OVCH1: variants seen among roughly 807,000 people sequenced by gnomAD.
OVCH1 encodes ovochymase-1.
Under a neutral mutation model 138.4 loss-of-function variants are expected in OVCH1, and 139 were observed. That is an observed-to-expected ratio of 1.00 (90% confidence interval 0.87 to 1.16). OVCH1 has a LOEUF of 1.16. OVCH1 is among the 50% of genes most tolerant of loss of function. The pLI, the probability that OVCH1 is intolerant of heterozygous loss-of-function variation, is 0.00. For synonymous variants in OVCH1, 453 were observed against 467.8 expected (o/e 0.97, Z 0.41); for missense variants, 1,367 against 1,357.9 (o/e 1.01, Z -0.11).
exon 7 of OVCH1, chr12:29,487,882 C>A: frequency 6.3e-7 from 1 of 1,599,276 alleles, no homozygotes; most frequent in Non-Finnish European, 8.5e-7. Flanking sequence ...CCAGAGTCCC[C>A]CTTTCATGGT....
chr12:29,491,922 T>C (rs142175601), intron 4 of OVCH1, among the ~76,000 whole-genome samples: 71 of 152,294 alleles, frequency 4.7e-4, no homozygotes, highest in Middle Eastern at 6.8e-3. Flanking sequence ...AAGCACTCTT[T>C]TAGATCTCAA....
intron 3 of OVCH1, among the ~76,000 whole-genome samples, chr12:29,414,020 C>CTTTTTTTTT (rs74937229): frequency 2.6e-5 from 1 of 38,528 alleles, no homozygotes; most frequent in African/African-American, 5.7e-5. Context: ...CTCTCTCTCT[C>CTTTTTTTTT]TTTTTTTTTT....
rs528119890 is a variant in OVCH1, at chr12:29,459,119, A to G, written c.2280+2735T>C. ...TAATACAAATACCATTGATCTAGCA[A>G]TCCCACTCCTAGGTATACATCCAAA... is the stretch of plus-strand genomic sequence containing the variant. On this transcript the variant is annotated intron_variant, in intron 19 of 27. Coordinates refer to ENST00000318184, the Ensembl canonical transcript of OVCH1. Among the ~76,000 whole-genome samples, 5 of 152,276 alleles carry G rather than the reference A, an allele frequency of 3.3e-5. No individual in the cohort carries two copies. In the South Asian group the frequency reaches 1.0e-3, roughly 32 times the overall value.
chr12:29,403,870 A>G, the OVCH1 span, among the ~76,000 whole-genome samples: 1 of 152,208 alleles, frequency 6.6e-6, no homozygotes, highest in Admixed American at 6.5e-5. Context: ...GCCAAAGTAG[A>G]AAAAAACAGT....
At chr12:29,471,475 G>A (rs1942505059) in intron 16 of OVCH1, among the ~76,000 whole-genome samples, 1 of 152,088 alleles carries the variant, frequency 6.6e-6, no homozygotes, top group Non-Finnish European at 1.5e-5. Context: ...TAAACTAAAG[G>A]GGAACATGAG....
intron 26 of OVCH1, among the ~76,000 whole-genome samples, chr12:29,437,010 T>C (rs1337998575): frequency 6.6e-6 from 1 of 152,118 alleles, no homozygotes; most frequent in Non-Finnish European, 1.5e-5. Flanking sequence ...TTTTACAGAG[T>C]GCTGACTGGT....
At chr12:29,471,925 C>T (rs755953240) in exon 16 of OVCH1, 3 of 1,613,282 alleles carry the variant, frequency 1.9e-6, no homozygotes, top group African/African-American at 2.7e-5. Flanking sequence ...GGCTTCTTCC[C>T]CTCCTGCGAT....
At chr12:29,464,106 C>T (rs1000147362) in intron 18 of OVCH1, among the ~76,000 whole-genome samples, 12 of 152,108 alleles carry the variant, frequency 7.9e-5, no homozygotes, top group South Asian at 4.1e-4. Context: ...TTTCATGACA[C>T]GTGCACATTA....
At chr12:29,460,315 G>C (rs1459171561) in intron 19 of OVCH1, among the ~76,000 whole-genome samples, 1 of 152,158 alleles carries the variant, frequency 6.6e-6, no homozygotes, top group African/African-American at 2.4e-5. Context: ...TGATTTTCTT[G>C]TTGAAGAAAG....
chr12:29,413,079 C>G (rs1048865108), intron 3 of OVCH1, among the ~76,000 whole-genome samples: 5 of 149,296 alleles, frequency 3.3e-5, no homozygotes, highest in Non-Finnish European at 5.9e-5. Flanking sequence ...CTGAGCTGGT[C>G]TCAAACTCCT....
chr12:29,427,262 C>T (rs1210049337), downstream of OVCH1, among the ~76,000 whole-genome samples: 2 of 152,076 alleles, frequency 1.3e-5, no homozygotes, highest in Non-Finnish European at 2.9e-5. Context: ...TTTTAAAAAT[C>T]AAATATTTTC....
At chr12:29,433,848 C>A in intron 26 of OVCH1, 1 of 1,352,474 alleles carries the variant, frequency 7.4e-7, no homozygotes, top group South Asian at 1.5e-5. Flanking sequence ...ATGGAAATGC[C>A]TCCCAAACTG....
chr12:29,441,918 TGA>T (rs1267103802), intron 25 of OVCH1, among the ~76,000 whole-genome samples: 2 of 151,986 alleles, frequency 1.3e-5, no homozygotes, highest in Admixed American at 1.3e-4. Context: ...AAAACCACAA[TGA>T]GATACCATCT....
intron 21 of OVCH1, among the ~76,000 whole-genome samples, chr12:29,453,743 C>T (rs1941863711): frequency 6.6e-6 from 1 of 152,080 alleles, no homozygotes; most frequent in Non-Finnish European, 1.5e-5. Context: ...TTATACCCTT[C>T]ACATACTTGG....
chr12:29,487,929 A>G (rs768022384), intron 6 of OVCH1, 47 bp from the exon 7 acceptor site: 2 of 1,515,034 alleles, frequency 1.3e-6, no homozygotes, highest in African/African-American at 1.4e-5. Flanking sequence ...GCCACAGTGT[A>G]AAATATTTCA....
At chr12:29,473,002 G>A (rs1271412751) in intron 15 of OVCH1, 27 bp downstream of exon 15, 3 of 1,568,844 alleles carry the variant, frequency 1.9e-6, no homozygotes, top group South Asian at 2.3e-5. Context: ...AGATTAAACA[G>A]ATAGTAATAA....
chr12:29,492,799 C>T (rs1001948042), intron 4 of OVCH1, among the ~76,000 whole-genome samples: 1 of 152,032 alleles, frequency 6.6e-6, no homozygotes, highest in Non-Finnish European at 1.5e-5. Context: ...GAGCCTGGGG[C>T]ACTCCAACAA....
chr12:29,487,944 T>C, intron 6 of OVCH1, 62 bp from the exon 7 acceptor site: 1 of 1,461,960 alleles, frequency 6.8e-7, no homozygotes, highest in Admixed American at 2.2e-5. Flanking sequence ...ATTTCATCAT[T>C]TCTGTAAACA....
rs771840193 is a variant in OVCH1 at position 29,487,708 on chromosome 12, G to A, written c.877C>T (p.Gln293Ter). 4 of 1,596,816 alleles carry A rather than the reference G, an allele frequency of 2.5e-6. No homozygotes were observed. The highest frequency in any genetic ancestry group is 2.3e-5 in the South Asian group (2 of 88,296). The change falls in exon 7 of 28, where the codon CAA (glutamine) becomes TAA (stop). Residue 293 changes from glutamine to a stop codon, truncating the protein, a stop_gained. Coordinates refer to ENST00000318184, the Ensembl canonical transcript of OVCH1. LOFTEE classifies it high-confidence loss of function. ...ATTCACCTACCTGTGAACAGGTTTT[G>A]AGTGATAAAATCCATCAACTCAGAC... is the stretch of plus-strand genomic sequence containing the variant.
Sources: gnomAD v4.1 joint callset for allele counts (sites outside exome capture counted in the v4.1 genomes callset) on GRCh38, gnomAD v4.1.1 for gene constraint, MANE v1.5 for transcripts, NCBI Gene and HGNC (gene_info 2026-07-23, HGNC 2026-07-21) for gene names.